The following INPP4B variants were observed in gnomAD, a reference collection of about 807,000 sequenced individuals.
The protein encoded by INPP4B is inositol polyphosphate 4-phosphatase type II.
Under a neutral mutation model 122.5 loss-of-function variants are expected in INPP4B, and 55 were observed. The observed-to-expected ratio is 0.45, with a 90% confidence interval of 0.36 to 0.56. The LOEUF (loss-of-function observed/expected upper bound fraction) is 0.56. INPP4B is among the 20% of genes least tolerant of loss of function. The pLI is 0.00. For missense variants in INPP4B, 1,000 were observed against 1,097.7 expected, an observed-to-expected ratio of 0.91 and a Z score of 1.26; for synonymous variants, 403 against 388.7, an observed-to-expected ratio of 1.04 and a Z score of -0.43.
intron 22 of INPP4B, among the ~76,000 whole-genome samples, chr4:142,109,413 C>T (rs1437316085): frequency 6.6e-6 from 1 of 152,100 alleles, no homozygotes; most frequent in Non-Finnish European, 1.5e-5. Context: ...TTCATCATAT[C>T]AACTCACTGA....
chr4:142,103,865 G>A (rs776376875), intron 23 of INPP4B, among the ~76,000 whole-genome samples: 7 of 151,436 alleles, frequency 4.6e-5, no homozygotes, highest in Non-Finnish European at 1.0e-4. Context: ...CCTCATTACA[G>A]TACTAAATTT....
intron 2 of INPP4B, among the ~76,000 whole-genome samples, chr4:142,618,340 G>C (rs935706064): frequency 6.6e-6 from 1 of 151,964 alleles, no homozygotes; most frequent in Admixed American, 6.6e-5. Context: ...ATAATACAAA[G>C]CTATTCTAAT....
intron 14 of INPP4B, among the ~76,000 whole-genome samples, chr4:142,207,214 G>A (rs1055979021): frequency 1.3e-5 from 2 of 152,060 alleles, no homozygotes; most frequent in South Asian, 4.1e-4. Flanking sequence ...ACATTTCTCT[G>A]TCTTGGCTAC....
chr4:142,303,769 T>C (rs1762365603), intron 9 of INPP4B, among the ~76,000 whole-genome samples: 1 of 152,162 alleles, frequency 6.6e-6, no homozygotes, highest in Non-Finnish European at 1.5e-5. Flanking sequence ...CAAGATCAAA[T>C]GACTAGGAAT....
At chr4:142,073,498 T>C (rs918338780) in intron 25 of INPP4B, among the ~76,000 whole-genome samples, 4 of 152,132 alleles carry the variant, frequency 2.6e-5, no homozygotes, top group Non-Finnish European at 5.9e-5. Flanking sequence ...ATATTCAAGT[T>C]AGAAGAAGGG....
chr4:142,758,869 C>A (rs1354547816), intron 1 of INPP4B, among the ~76,000 whole-genome samples: 1 of 150,638 alleles, frequency 6.6e-6, no homozygotes, highest in Non-Finnish European at 1.5e-5. Flanking sequence ...ACGAGACTCG[C>A]TTGAACCCAG....
At chr4:142,042,990 T>C (rs1326605904) in intron 25 of INPP4B, among the ~76,000 whole-genome samples, 1 of 152,160 alleles carries the variant, frequency 6.6e-6, no homozygotes, top group East Asian at 1.9e-4. Flanking sequence ...CCATTACCAG[T>C]GTTGTATATT....
intron 5 of INPP4B, among the ~76,000 whole-genome samples, chr4:142,408,607 A>C (rs1317211763): frequency 6.6e-6 from 1 of 152,200 alleles, no homozygotes; most frequent in Non-Finnish European, 1.5e-5. Context: ...ACTGCTCATT[A>C]ACCAAATATA....
intron 1 of INPP4B, among the ~76,000 whole-genome samples, chr4:142,732,975 G>A (rs1351780082): frequency 1.3e-5 from 2 of 152,084 alleles, no homozygotes; most frequent in East Asian, 3.9e-4. Flanking sequence ...AATCACATAT[G>A]AAACAAAAGA....
chr4:142,463,094 C>T (rs1445256893), intron 2 of INPP4B, among the ~76,000 whole-genome samples: 1 of 152,206 alleles, frequency 6.6e-6, no homozygotes, highest in Non-Finnish European at 1.5e-5. Flanking sequence ...AAACTCTGCC[C>T]ATCACAAAGA....
chr4:142,528,674 G>A (rs1489252993), intron 2 of INPP4B, among the ~76,000 whole-genome samples: 1 of 152,142 alleles, frequency 6.6e-6, no homozygotes, highest in Non-Finnish European at 1.5e-5. Flanking sequence ...ACCAGGATCA[G>A]TGAGACCAAG....
At chr4:142,174,427 GTAAA>G (rs1450069981) in intron 15 of INPP4B, among the ~76,000 whole-genome samples, 2 of 152,088 alleles carry the variant, frequency 1.3e-5, no homozygotes, top group Non-Finnish European at 2.9e-5. Flanking sequence ...TGTGGAGGAA[GTAAA>G]TTTTAATAGC....
chr4:142,615,305 C>A (rs1430394378), intron 2 of INPP4B, among the ~76,000 whole-genome samples: 1 of 151,918 alleles, frequency 6.6e-6, no homozygotes, highest in Non-Finnish European at 1.5e-5. Context: ...GAGTTACAGG[C>A]AAAGTAATAA....
intron 7 of INPP4B, among the ~76,000 whole-genome samples, chr4:142,354,229 G>C (rs887337004): frequency 6.6e-6 from 1 of 151,826 alleles, no homozygotes. Context: ...TCAGAGCCTT[G>C]GGACATGGGC....
At chr4:142,454,267 G>T (rs1458001273) in intron 3 of INPP4B, among the ~76,000 whole-genome samples, 1 of 151,996 alleles carries the variant, frequency 6.6e-6, no homozygotes, top group Non-Finnish European at 1.5e-5. Context: ...GTTTATTGTT[G>T]TAAGTAGAAA....
At position 142,027,600 on chromosome 4, in the gene INPP4B, C is replaced by G. The variant is rs1737401784; in HGVS notation, c.*1182G>C. 6.6e-6 allele frequency: 1 copy of G among 152,178 alleles called. No homozygotes were observed. 9.4% of individuals were successfully genotyped at this position (152,178 alleles called of 1,614,324 possible). ...CATGGCAATTTGGAGAAGTGACAAG[C>G]CACAGGCTAGGAAAGTAAGAAGAGA... On this transcript the variant is annotated 3_prime_UTR_variant, in exon 26 of 26. Coordinates refer to ENST00000262992, the MANE Select transcript of INPP4B (RefSeq NM_001101669.3).
intron 21 of INPP4B, among the ~76,000 whole-genome samples, chr4:142,117,794 GC>G (rs1561180866): frequency 6.6e-6 from 1 of 152,134 alleles, no homozygotes; most frequent in African/African-American, 2.4e-5. Flanking sequence ...TCTGGCTAGG[GC>G]AATCAGGCAG....
chr4:142,605,012 A>G (rs934866631), intron 2 of INPP4B, among the ~76,000 whole-genome samples: 1 of 152,146 alleles, frequency 6.6e-6, no homozygotes, highest in Non-Finnish European at 1.5e-5. Flanking sequence ...TATTGGTATA[A>G]AAACAGACAC....
At chr4:142,833,509 C>G (rs2151189837) in intron 1 of INPP4B, among the ~76,000 whole-genome samples, 1 of 151,574 alleles carries the variant, frequency 6.6e-6, no homozygotes, top group South Asian at 2.1e-4. Flanking sequence ...ATTATTAATA[C>G]TATAATTTTA....
Sources: gnomAD v4.1 joint callset for allele counts (sites outside exome capture counted in the v4.1 genomes callset) on GRCh38, gnomAD v4.1.1 for gene constraint, MANE v1.5 for transcripts, NCBI Gene and HGNC (gene_info 2026-07-23, HGNC 2026-07-21) for gene names.